NRG1: variants seen among roughly 807,000 people sequenced by gnomAD.
NRG1 encodes the protein neuregulin 1.
Under a neutral mutation model 63.8 loss-of-function variants are expected in NRG1, and 18 were observed. That is an observed-to-expected ratio of 0.28 (90% CI 0.19 to 0.42). The LOEUF is 0.42. Ranked by LOEUF, NRG1 falls within the 10% of genes least tolerant of loss-of-function variation. The probability of loss-of-function intolerance (pLI) is 1.00; values close to 1 mark genes in which losing one functional copy is unlikely to be tolerated. For synonymous variants in NRG1, 302 were observed against 301.3 expected (o/e 1.00, Z -0.02); for missense variants, 762 against 814.7 (o/e 0.94, Z 0.79).
At chr8:31,856,963 T>G (rs1260938051) in intron 1 of NRG1, among the ~76,000 whole-genome samples, 1 of 152,212 alleles carries the variant, frequency 6.6e-6, no homozygotes, top group Non-Finnish European at 1.5e-5. Context: ...GGAGGCAGTC[T>G]GCCCATTCTC....
At chr8:32,137,054 T>TG (rs1008994224) in intron 1 of NRG1, among the ~76,000 whole-genome samples, 2 of 152,134 alleles carry the variant, frequency 1.3e-5, no homozygotes, top group African/African-American at 2.4e-5. Context: ...TCAATAAACA[T>TG]GGGGGTTTTT....
upstream of NRG1, chr8:32,548,089 A>AC: frequency 2.1e-6 from 1 of 485,284 alleles, no homozygotes; most frequent in Non-Finnish European, 2.7e-6. Flanking sequence ...CCGCGCCGCC[A>AC]CCCCCCGCCC....
At chr8:31,871,507 G>C (rs954341858) in intron 1 of NRG1, among the ~76,000 whole-genome samples, 11 of 151,844 alleles carry the variant, frequency 7.2e-5, no homozygotes, top group Non-Finnish European at 1.3e-4. Flanking sequence ...TAATTCCAGG[G>C]GTTCTTACTG....
chr8:31,774,479 C>G (rs532069338), intron 1 of NRG1, among the ~76,000 whole-genome samples: 5 of 152,186 alleles, frequency 3.3e-5, no homozygotes, highest in African/African-American at 1.2e-4. Context: ...TGGCACAGAA[C>G]AGGTTTTTGA....
intron 5 of NRG1, among the ~76,000 whole-genome samples, chr8:32,700,772 A>G (rs532016663): frequency 6.6e-6 from 1 of 152,360 alleles, no homozygotes; most frequent in East Asian, 1.9e-4. Context: ...GAGTGAGCAC[A>G]CTGATACATT....
intron 1 of NRG1, among the ~76,000 whole-genome samples, chr8:32,027,550 C>G (rs1015443374): frequency 1.4e-5 from 2 of 144,882 alleles, no homozygotes; most frequent in African/African-American, 2.5e-5. Context: ...GCTTGTGTGT[C>G]CCTAAGATGC....
intron 1 of NRG1, among the ~76,000 whole-genome samples, chr8:31,762,146 A>G (rs577880837): frequency 6.6e-6 from 1 of 152,340 alleles, no homozygotes; most frequent in African/African-American, 2.4e-5. Context: ...TTGGTTACAT[A>G]GGTATACATG....
intron 1 of NRG1, among the ~76,000 whole-genome samples, chr8:31,808,682 AC>A (rs1822537438): frequency 6.6e-6 from 1 of 152,080 alleles, no homozygotes; most frequent in Admixed American, 6.6e-5. Context: ...TTATATTAAT[AC>A]CTAGACTTAT....
At chr8:32,728,331 T>C (rs2129015533) in intron 6 of NRG1, 3 of 983,290 alleles carry the variant, frequency 3.1e-6, no homozygotes, top group Non-Finnish European at 2.4e-6. Context: ...TGCCATGTTA[T>C]TTATAGTGTT....
At chr8:31,960,110 TAAATG>T (rs1286100143) in intron 1 of NRG1, among the ~76,000 whole-genome samples, 2 of 152,178 alleles carry the variant, frequency 1.3e-5, no homozygotes, top group Non-Finnish European at 2.9e-5. Context: ...ATGGGAGACT[TAAATG>T]AAAGCATTCC....
intron 1 of NRG1, among the ~76,000 whole-genome samples, chr8:31,997,202 T>A (rs1215690045): frequency 2.1e-5 from 3 of 140,022 alleles, no homozygotes; most frequent in Middle Eastern, 3.8e-3. Context: ...TTTTTTTTTT[T>A]ACTATGAAGG....
intron 1 of NRG1, among the ~76,000 whole-genome samples, chr8:32,051,155 AT>A (rs879268328): frequency 2.9e-4 from 44 of 151,784 alleles, no homozygotes; most frequent in Non-Finnish European, 5.9e-4. Context: ...TTTGTTTCTC[AT>A]TTTTTTTAAT....
intron 1 of NRG1, among the ~76,000 whole-genome samples, chr8:31,694,360 A>G (rs553921366): frequency 6.6e-6 from 1 of 152,176 alleles, no homozygotes; most frequent in Non-Finnish European, 1.5e-5. Flanking sequence ...TGTCTAGAGA[A>G]TTGTTAAATT....
chr8:32,508,605 A>G lies in NRG1; in HGVS notation c.38-87223A>G, dbSNP rs1207752366. ...AGCCACCGCGCCTGGCCTAAGGGCT[A>G]TTTTTTAAGTTGCAAAACAAAAACA... On this transcript the variant is annotated intron_variant, in intron 1 of 10. Transcript: ENST00000519301. Among the ~76,000 whole-genome samples the G allele has an allele frequency of 4.0e-5, 6 of 151,168 alleles. No individual in the cohort carries two copies. In the East Asian group the frequency reaches 1.0e-3, roughly 25 times the overall value.
intron 1 of NRG1, among the ~76,000 whole-genome samples, chr8:32,497,046 A>C (rs1827276631): frequency 1.3e-5 from 2 of 152,220 alleles, no homozygotes; most frequent in Non-Finnish European, 2.9e-5. Context: ...CCTGTCTTCT[A>C]ATTCAAATGT....
At chr8:32,634,629 T>A (rs1850972642) in intron 5 of NRG1, among the ~76,000 whole-genome samples, 1 of 152,260 alleles carries the variant, frequency 6.6e-6, no homozygotes, top group Non-Finnish European at 1.5e-5. Flanking sequence ...AATATGTATG[T>A]GAACATGTAT....
intron 1 of NRG1, among the ~76,000 whole-genome samples, chr8:32,492,586 T>A (rs1826726843): frequency 1.3e-5 from 2 of 152,146 alleles, no homozygotes; most frequent in South Asian, 4.1e-4. Flanking sequence ...TTAGAATGGA[T>A]CCTTTATTTT....
chr8:32,656,064 C>A (rs533909145), intron 5 of NRG1, among the ~76,000 whole-genome samples: 3 of 152,010 alleles, frequency 2.0e-5, no homozygotes, highest in Non-Finnish European at 2.9e-5. Context: ...AAATAATATA[C>A]ATCAAATAAT....
At chr8:31,829,981 T>A in intron 1 of NRG1, among the ~76,000 whole-genome samples, 1 of 152,210 alleles carries the variant, frequency 6.6e-6, no homozygotes. Context: ...ACATGAATGG[T>A]GGGGCATAGT....
Sources: gnomAD v4.1 joint callset for allele counts (sites outside exome capture counted in the v4.1 genomes callset) on GRCh38, gnomAD v4.1.1 for gene constraint, MANE v1.5 for transcripts, NCBI Gene and HGNC (gene_info 2026-07-23, HGNC 2026-07-21) for gene names.